NECAB2: variants seen among roughly 807,000 people sequenced by gnomAD.
NECAB2 encodes N-terminal EF-hand calcium binding protein 2, also known as N-terminal EF-hand calcium-binding protein 2.
In NECAB2, 68 loss-of-function variants were observed where a neutral mutation model predicts 51.9. The observed-to-expected ratio is 1.31, with a 90% CI of 1.08 to 1.60. NECAB2 has a LOEUF of 1.60. NECAB2 is among the 40% of genes most tolerant of loss of function. The pLI, the probability that NECAB2 is intolerant of heterozygous loss-of-function variation, is 0.00. For missense variants in NECAB2, 854 were observed against 490.3 expected (o/e 1.74, Z -7.00); for synonymous variants, 329 against 203.5 (o/e 1.62, Z -5.25).
intron 9 of NECAB2, among the ~76,000 whole-genome samples, chr16:83,997,598 C>T (rs1183713136): frequency 6.9e-6 from 1 of 145,674 alleles, no homozygotes; most frequent in Admixed American, 7.2e-5. Flanking sequence ...AGCAATTCTC[C>T]TGCCTCAGCC....
intron 5 of NECAB2, among the ~76,000 whole-genome samples, chr16:83,985,348 G>GT (rs2084539950): frequency 9.4e-6 from 1 of 106,714 alleles, no homozygotes; most frequent in Non-Finnish European, 1.9e-5. Context: ...AAAAAAAAAG[G>GT]TTACTGCTGG....
Position 83,990,594 on chromosome 16 carries a change from C to G in NECAB2, c.560C>G (p.Ala187Gly). ...TCGCTGCTGAGCTCAGTGGAGAGTG[C>G]GGTGGAGGCCATCGAGGAACAGACC... Reference protein sequence around the residue: ...IQSLLSSVESAVEAIEEQTSQ... With the variant: ...IQSLLSSVESGVEAIEEQTSQ... The change falls in exon 6 of 13, where the codon GCG (alanine) becomes GGG (glycine). Residue 187 changes from alanine to glycine, a missense_variant. Ala to Gly is a moderately conservative substitution (Grantham distance 60). Coordinates refer to ENST00000305202, the MANE Select transcript of NECAB2 (RefSeq NM_019065.3). 1 of 1,614,048 alleles carries G rather than the reference C, an allele frequency of 6.2e-7. No homozygotes were observed.
In NECAB2 at chr16:83,998,273, G is replaced by A. The variant is rs779711282; in HGVS notation, c.918G>A (p.Leu306=). The change falls in exon 10 of 13, where the codon CTG becomes CTA. Residue 306 remains leucine (L), a synonymous_variant. Coordinates refer to ENST00000305202, the MANE Select transcript of NECAB2 (RefSeq NM_019065.3). Reference sequence around the variant, plus strand: ...AACTGAGCGAGTTTCTGGACTCTCTGCGCCAGTATCTGCGGGGGACCACTG... The same window carrying A: ...AACTGAGCGAGTTTCTGGACTCTCTACGCCAGTATCTGCGGGGGACCACTG... The part of the protein sequence containing the change: ...PEQLSEFLDS[L]RQYLRGTTGV... 1.8e-5 allele frequency: 29 copies of A among 1,613,446 alleles called. No individual in the cohort carries two copies. The highest frequency in any genetic ancestry group is 2.4e-5 in the Non-Finnish European group (28 of 1,180,018).
upstream of NECAB2, chr16:83,965,329 G>T (rs374999260): frequency 2.5e-6 from 4 of 1,574,036 alleles, no homozygotes; most frequent in Admixed American, 6.9e-5. Flanking sequence ...TCGACAGCCC[G>T]GCCCGGCTGG....
chr16:83,997,696 T>C (rs538828569), intron 9 of NECAB2, among the ~76,000 whole-genome samples: 27 of 151,444 alleles, frequency 1.8e-4, no homozygotes, highest in Non-Finnish European at 3.7e-4. Flanking sequence ...GGTTTCACCA[T>C]GTTGGTCAGG....
intron 2 of NECAB2, among the ~76,000 whole-genome samples, chr16:83,978,240 G>A (rs2084438937): frequency 6.6e-6 from 1 of 152,204 alleles, no homozygotes; most frequent in Admixed American, 6.5e-5. Flanking sequence ...ACTGGTTAGT[G>A]TGGGAATTAG....
chr16:83,986,223 G>A (rs1168130716), intron 5 of NECAB2, among the ~76,000 whole-genome samples: 1 of 152,088 alleles, frequency 6.6e-6, no homozygotes, highest in East Asian at 1.9e-4. Flanking sequence ...CACCCTGTTG[G>A]CCAGGCTGGT....
At position 83,978,459 on chromosome 16, in the gene NECAB2, C is replaced by G; in HGVS notation, c.242C>G (p.Ser81Cys). 6.2e-7 allele frequency: 1 copy of G among 1,613,844 alleles called. No individual in the cohort carries two copies. Among genetic ancestry groups the G allele is most frequent in the Non-Finnish European group, 8.5e-7 (1 of 1,179,894 alleles). The stretch of plus-strand genomic sequence containing the variant: ...TTCCTTGCAGATGATGGGAAGCTGT[C>G]CTTGGAGGAATTCCAGCTCTTCTTT... ...RADKNDDGKL[S>C]LEEFQLFFAD... The change falls in exon 3 of 13, where the codon TCC (serine) becomes TGC (cysteine). Residue 81 changes from serine to cysteine, a missense_variant. By Grantham distance (112) the Ser-to-Cys change is moderately radical (BLOSUM62 -1). Coordinates refer to ENST00000305202, the MANE Select transcript of NECAB2 (RefSeq NM_019065.3).
At chr16:83,994,090 C>T (rs1009161348) in intron 6 of NECAB2, among the ~76,000 whole-genome samples, 4 of 152,242 alleles carry the variant, frequency 2.6e-5, no homozygotes, top group Non-Finnish European at 5.9e-5. Context: ...GAATTCGAAT[C>T]CCAGCTCTGC....
At chr16:84,001,046 C>G (rs763195023) in intron 11 of NECAB2, among the ~76,000 whole-genome samples, 4 of 152,126 alleles carry the variant, frequency 2.6e-5, no homozygotes, top group South Asian at 4.1e-4. Flanking sequence ...TGCTTCTGTG[C>G]CCCTAGAGCA....
chr16:83,990,203 C>T (rs1021219669), intron 5 of NECAB2, among the ~76,000 whole-genome samples: 1 of 152,194 alleles, frequency 6.6e-6, no homozygotes, highest in African/African-American at 2.4e-5. Context: ...GCTGTTTAAT[C>T]TTCGCTACAA....
chr16:83,999,070 G>A (rs537305369), intron 10 of NECAB2, among the ~76,000 whole-genome samples: 18 of 152,326 alleles, frequency 1.2e-4, no homozygotes, highest in African/African-American at 3.8e-4. Flanking sequence ...ATTGCCTGGG[G>A]ACATGGCTGT....
intron 10 of NECAB2, among the ~76,000 whole-genome samples, chr16:83,998,698 A>T (rs1357752490): frequency 6.6e-6 from 1 of 152,196 alleles, no homozygotes; most frequent in Non-Finnish European, 1.5e-5. Flanking sequence ...GTTCCTGCAC[A>T]CTTAAGTCCA....
intron 2 of NECAB2, 59 bp from the exon 3 acceptor site, chr16:83,978,385 A>C (rs1597201957): frequency 7.1e-7 from 1 of 1,407,644 alleles, no homozygotes. Flanking sequence ...TGCATGCACT[A>C]GCCCCACCAG....
At chr16:83,992,931 AAC>A (rs1409736997) in intron 6 of NECAB2, among the ~76,000 whole-genome samples, 15 of 151,620 alleles carry the variant, frequency 9.9e-5, no homozygotes, top group Admixed American at 2.0e-4. Flanking sequence ...CCTGCCGCAG[AAC>A]AGATAGTATG....
At chr16:84,001,097 C>T (rs1043396815) in intron 11 of NECAB2, among the ~76,000 whole-genome samples, 6 of 152,102 alleles carry the variant, frequency 3.9e-5, no homozygotes, top group African/African-American at 1.4e-4. Context: ...GAGGCACTGC[C>T]TTCTTTACCA....
chr16:83,996,295 A>C (rs1319991640), intron 8 of NECAB2, among the ~76,000 whole-genome samples: 1 of 152,132 alleles, frequency 6.6e-6, no homozygotes, highest in Non-Finnish European at 1.5e-5. Flanking sequence ...ACCACTTACC[A>C]AGGCGTGTTC....
In NECAB2 at chr16:83,969,306, G is replaced by C. The variant is rs1278145535; in HGVS notation, c.201+457G>C. On this transcript the variant is annotated intron_variant, in intron 1 of 12. Coordinates refer to ENST00000305202, the MANE Select transcript of NECAB2 (RefSeq NM_019065.3). ...CCCTACCTCTAGCCCACCTCTCTTCGCCCTAGACCCTGAGCCCCCGTTCAT... is the reference window on the plus strand; with the variant it reads ...CCCTACCTCTAGCCCACCTCTCTTCCCCCTAGACCCTGAGCCCCCGTTCAT... 2.0e-5 allele frequency among the ~76,000 whole-genome samples: 3 copies of C among 151,576 alleles called. No individual in the cohort carries two copies. In the East Asian group the frequency reaches 5.8e-4, roughly 29 times the overall value.
At chr16:83,986,174 G>C (rs148715593) in intron 5 of NECAB2, among the ~76,000 whole-genome samples, 9,039 of 152,060 alleles carry the variant, frequency 0.059, 323 homozygotes, top group Middle Eastern at 0.13. Context: ...GCACCACCAC[G>C]CCCGGCTAAT....
Sources: allele counts gnomAD v4.1 joint callset (sites outside exome capture counted in the v4.1 genomes callset), GRCh38; gene constraint gnomAD v4.1.1; transcripts MANE v1.5; gene names NCBI Gene and HGNC (gene_info 2026-07-23, HGNC 2026-07-21).